Variants in DCC observed in about 807,000 individuals in gnomAD.
The protein encoded by DCC is netrin receptor DCC.
DCC carries 58 observed loss-of-function variants against 172.5 expected under a neutral mutation model. That is an observed-to-expected ratio of 0.34 (90% confidence interval 0.27 to 0.42). DCC has a LOEUF of 0.42. Among genes scored for constraint, DCC ranks in the 10% least tolerant of loss-of-function variants. The pLI, the probability that DCC is intolerant of heterozygous loss-of-function variation, is 1.00. For synonymous variants in DCC, 709 were observed against 644.5 expected (o/e 1.10, Z -1.52); for missense variants, 1,740 against 1,791.0 (o/e 0.97, Z 0.51).
At chr18:53,525,699 C>T (rs1489783512) in intron 27 of DCC, among the ~76,000 whole-genome samples, 1 of 152,032 alleles carries the variant, frequency 6.6e-6, no homozygotes, top group Non-Finnish European at 1.5e-5. Context: ...TATAGGACCC[C>T]ATTAGAACCA....
intron 1 of DCC, among the ~76,000 whole-genome samples, chr18:52,380,441 C>T (rs765388779): frequency 1.9e-4 from 29 of 152,164 alleles, no homozygotes; most frequent in South Asian, 6.2e-4. Flanking sequence ...CAAGCACCTA[C>T]GCAATTAGCA....
At chr18:52,943,573 T>TACACAAGGAC (rs1190455712) in intron 5 of DCC, among the ~76,000 whole-genome samples, 1 of 152,178 alleles carries the variant, frequency 6.6e-6, no homozygotes, top group Non-Finnish European at 1.5e-5. Context: ...ACTTTCTGCA[T>TACACAAGGAC]CATTTACACA....
At chr18:53,281,335 C>T (rs539038609) in intron 12 of DCC, among the ~76,000 whole-genome samples, 33 of 152,230 alleles carry the variant, frequency 2.2e-4, no homozygotes, top group South Asian at 4.1e-4. Flanking sequence ...TTTGATATGT[C>T]ATGTAACTCT....
intron 2 of DCC, among the ~76,000 whole-genome samples, chr18:52,851,164 G>T (rs1310553437): frequency 6.7e-6 from 1 of 149,644 alleles, no homozygotes; most frequent in African/African-American, 2.4e-5. Flanking sequence ...TTCACAGTAG[G>T]TTGAGAATAG....
intron 5 of DCC, among the ~76,000 whole-genome samples, chr18:53,046,705 C>A (rs937054429): frequency 6.6e-6 from 1 of 152,002 alleles, no homozygotes; most frequent in East Asian, 1.9e-4. Context: ...TCAAACTTCT[C>A]AATTTACAAA....
chr18:53,202,303 T>A (rs1170938079), intron 9 of DCC, among the ~76,000 whole-genome samples: 1 of 152,040 alleles, frequency 6.6e-6, no homozygotes, highest in African/African-American at 2.4e-5. Context: ...GAAAAACGAT[T>A]AAAAAGAGCT....
At chr18:53,018,668 A>T (rs984668747) in intron 5 of DCC, among the ~76,000 whole-genome samples, 1 of 152,184 alleles carries the variant, frequency 6.6e-6, no homozygotes, top group African/African-American at 2.4e-5. Flanking sequence ...GTGCTCAAGG[A>T]GCATTTCATG....
At chr18:52,994,276 T>C (rs2041443763) in intron 5 of DCC, among the ~76,000 whole-genome samples, 1 of 152,118 alleles carries the variant, frequency 6.6e-6, no homozygotes, top group African/African-American at 2.4e-5. Flanking sequence ...TAACAGATTC[T>C]TGGCAAATCT....
At chr18:52,745,180 G>C (rs546946649) in intron 1 of DCC, among the ~76,000 whole-genome samples, 2 of 152,088 alleles carry the variant, frequency 1.3e-5, no homozygotes, top group Admixed American at 6.5e-5. Context: ...TTAATAAAAC[G>C]TGTTGAAATA....
Position 53,372,681 on chromosome 18 carries a change from A to G in DCC, c.2360-13362A>G, listed in dbSNP as rs184846002. On this transcript the variant is annotated intron_variant, in intron 15 of 28. Coordinates refer to ENST00000442544, the MANE Select transcript of DCC (RefSeq NM_005215.4). The stretch of plus-strand genomic sequence containing the variant: ...CATTTGCAAATTACAGAAGACAAGC[A>G]TATATGAAACCTAGAGAAGTTAAAA... Among the ~76,000 whole-genome samples, 4 of 152,266 alleles carry G rather than the reference A, an allele frequency of 2.6e-5. No individual in the cohort carries two copies. The East Asian group carries it at 7.7e-4, about 29-fold the overall frequency.
intron 1 of DCC, among the ~76,000 whole-genome samples, chr18:52,614,492 T>A (rs868822311): frequency 6.6e-6 from 1 of 152,222 alleles, no homozygotes; most frequent in Non-Finnish European, 1.5e-5. Flanking sequence ...TTTTTGCCCA[T>A]TACTTTCAAA....
intron 5 of DCC, among the ~76,000 whole-genome samples, chr18:53,028,273 C>T (rs568229584): frequency 8.9e-4 from 136 of 152,148 alleles, no homozygotes; most frequent in Middle Eastern, 6.8e-3. Context: ...TTGATTTTTG[C>T]TTTCTCAACT....
At chr18:52,796,100 A>AT (rs1291334118) in intron 2 of DCC, among the ~76,000 whole-genome samples, 1 of 88,588 alleles carries the variant, frequency 1.1e-5, no homozygotes, top group Non-Finnish European at 3.0e-5. Flanking sequence ...TACATGGAAT[A>AT]TCTTTTTTTA....
chr18:52,829,311 C>A (rs1453382585), intron 2 of DCC, among the ~76,000 whole-genome samples: 1 of 152,172 alleles, frequency 6.6e-6, no homozygotes, highest in Non-Finnish European at 1.5e-5. Flanking sequence ...ACAGTAGGAT[C>A]CGTATGCTGG....
At chr18:53,163,249 A>T (rs925428477) in intron 8 of DCC, among the ~76,000 whole-genome samples, 1 of 144,506 alleles carries the variant, frequency 6.9e-6, no homozygotes, top group African/African-American at 2.4e-5. Context: ...GAGAGATATG[A>T]TATTCTCGAT....
At chr18:53,134,351 G>A (rs1404527931) in intron 7 of DCC, among the ~76,000 whole-genome samples, 1 of 152,068 alleles carries the variant, frequency 6.6e-6, no homozygotes. Flanking sequence ...TAATAATAAA[G>A]GAGGAATTAT....
intron 12 of DCC, among the ~76,000 whole-genome samples, chr18:53,281,820 C>T (rs1362403785): frequency 2.2e-5 from 3 of 139,146 alleles, no homozygotes; most frequent in African/African-American, 8.2e-5. Context: ...CACCAGAATT[C>T]ACCAGGCTGG....
intron 1 of DCC, among the ~76,000 whole-genome samples, chr18:52,513,114 C>A (rs2031500314): frequency 1.3e-5 from 2 of 152,200 alleles, no homozygotes; most frequent in Non-Finnish European, 1.5e-5. Flanking sequence ...GCAGGAAAAC[C>A]AGTGAAGAGT....
intron 5 of DCC, among the ~76,000 whole-genome samples, chr18:52,990,538 CCCAAAAAAAAAA>C (rs1253151231): frequency 0.023 from 1,754 of 76,268 alleles, 88 homozygotes; most frequent in African/African-American, 0.07. Flanking sequence ...AAAACTCCAT[CCCAAAAAAAAAA>C]AAAAAAAAAA....
Sources: allele counts gnomAD v4.1 joint callset (sites outside exome capture counted in the v4.1 genomes callset), GRCh38; gene constraint gnomAD v4.1.1; transcripts MANE v1.5; gene names NCBI Gene and HGNC (gene_info 2026-07-23, HGNC 2026-07-21).